The following ANKFY1 variants were observed in gnomAD, a reference collection of about 807,000 sequenced individuals.
ANKFY1 encodes the protein ankyrin repeat and FYVE domain containing 1, also known as ankyrin repeat and FYVE domain-containing protein 1.
Under a neutral mutation model 128.3 loss-of-function variants are expected in ANKFY1, and 47 were observed. That is an observed-to-expected ratio of 0.37 (90% CI 0.29 to 0.47). The LOEUF is 0.47. ANKFY1 is among the 20% of genes least tolerant of loss of function. The pLI is 1.00. For synonymous variants in ANKFY1, 553 were observed against 601.6 expected (o/e 0.92, Z 1.18); for missense variants, 1,222 against 1,510.6 (o/e 0.81, Z 3.17).
chr17:4,184,477 G>A (rs1441722874), intron 12 of ANKFY1, among the ~76,000 whole-genome samples: 1 of 152,198 alleles, frequency 6.6e-6, no homozygotes, highest in African/African-American at 2.4e-5. Context: ...CTCTCATGGG[G>A]TGCCTGCCAC....
chr17:4,211,638 CAGG>C (rs1194328864), intron 4 of ANKFY1, among the ~76,000 whole-genome samples: 1 of 152,080 alleles, frequency 6.6e-6, no homozygotes. Context: ...GAGGCCAAGG[CAGG>C]AGGAGTACTT....
intron 2 of ANKFY1, 121 bp from the exon 3 acceptor site, chr17:4,236,011 C>T: frequency 1.5e-6 from 1 of 685,234 alleles, no homozygotes. Flanking sequence ...GAAAAAATTA[C>T]AGCGAAGAAT....
At position 4,197,411 on chromosome 17, in the gene ANKFY1, C is replaced by A; in HGVS notation, c.1065G>T (p.Gln355His). 1 of 1,614,230 alleles carries A rather than the reference C, an allele frequency of 6.2e-7. No homozygotes were observed. The highest frequency in any genetic ancestry group is 1.1e-5 in the South Asian group (1 of 91,088). ...EMAQIAEALL[Q>H]AGANPNMQDS... The stretch of plus-strand genomic sequence containing the variant: ...CCTGCATGTTGGGGTTGGCACCAGC[C>A]TGCAGAAGGGCCTCTGCAATCTGCG... Residue 355 changes from glutamine to histidine, a missense_variant, in exon 8 of 25, where the codon CAG (glutamine) becomes CAT (histidine). Transcript: ENST00000341657.
intron 17 of ANKFY1, chr17:4,179,306 C>T: frequency 1.8e-6 from 1 of 569,330 alleles, no homozygotes; most frequent in Non-Finnish European, 3.1e-6. Flanking sequence ...TGCAGTGAGT[C>T]TCCGCTCTAA....
At position 4,202,981 on chromosome 17, in the gene ANKFY1, C is replaced by CATATATATATAT. The variant is rs56774221; in HGVS notation, c.898+3328_898+3339dup. Reference sequence around the variant, plus strand: ...AGTTCTTTTTACTTATAATCATACACATATATATATATATATATATTCACC... The same window carrying CATATATATATAT: ...AGTTCTTTTTACTTATAATCATACACATATATATATATATATATATATATATATATATTCACC... On this transcript the variant is annotated intron_variant, in intron 7 of 24. Transcript: ENST00000341657. Among the ~76,000 whole-genome samples the CATATATATATAT allele has an allele frequency of 1.3e-3, 186 of 146,294 alleles. 2 individuals carry two copies. The highest frequency in any genetic ancestry group is 4.5e-3 in the African/African-American group (180 of 40,060).
intron 6 of ANKFY1, among the ~76,000 whole-genome samples, chr17:4,206,711 C>T (rs1481166617): frequency 2.0e-5 from 3 of 152,172 alleles, no homozygotes; most frequent in Admixed American, 6.5e-5. Flanking sequence ...ACATAGCCAA[C>T]ATAAACAATG....
intron 18 of ANKFY1, 31 bp from the exon 19 acceptor site, chr17:4,177,333 G>C (rs773344199): frequency 3.9e-6 from 6 of 1,537,132 alleles, no homozygotes; most frequent in Non-Finnish European, 5.3e-6. Flanking sequence ...CAAAATATTA[G>C]TTCCCTTTTC....
chr17:4,222,974 G>A (rs755646868), intron 3 of ANKFY1: 127 of 1,155,762 alleles, frequency 1.1e-4, no homozygotes, highest in Non-Finnish European at 1.5e-4. Flanking sequence ...CTCTTTTGGA[G>A]GCCAAAGCCA....
intron 4 of ANKFY1, among the ~76,000 whole-genome samples, chr17:4,210,615 G>A (rs1225563658): frequency 1.4e-5 from 2 of 144,994 alleles, no homozygotes; most frequent in Non-Finnish European, 3.0e-5. Context: ...GGCTGAGGCA[G>A]GAGAATCGCT....
chr17:4,257,624 C>G (rs1437542708), intron 1 of ANKFY1, among the ~76,000 whole-genome samples: 1 of 152,184 alleles, frequency 6.6e-6, no homozygotes, highest in Non-Finnish European at 1.5e-5. Flanking sequence ...CCCATTACTT[C>G]CTTAAAAAAT....
At chr17:4,209,381 A>G (rs2060085902) in intron 5 of ANKFY1, among the ~76,000 whole-genome samples, 1 of 151,730 alleles carries the variant, frequency 6.6e-6, no homozygotes, top group East Asian at 2.0e-4. Context: ...GTTCACCGCA[A>G]CCTCCGCCTC....
At chr17:4,210,995 G>A (rs1052709722) in intron 4 of ANKFY1, among the ~76,000 whole-genome samples, 3 of 151,962 alleles carry the variant, frequency 2.0e-5, no homozygotes, top group Non-Finnish European at 4.4e-5. Flanking sequence ...TTACGCCACT[G>A]CACTCCAGCC....
chr17:4,251,996 T>C (rs899092533), intron 1 of ANKFY1, among the ~76,000 whole-genome samples: 63 of 145,038 alleles, frequency 4.3e-4, no homozygotes, highest in African/African-American at 1.6e-3. Flanking sequence ...ATCATACCAC[T>C]GCACTCAACC....
At chr17:4,258,134 T>A (rs1202545843) in intron 1 of ANKFY1, among the ~76,000 whole-genome samples, 1 of 152,138 alleles carries the variant, frequency 6.6e-6, no homozygotes, top group African/African-American at 2.4e-5. Flanking sequence ...AAGAAAAGAA[T>A]GGTATAAAAG....
At position 4,195,119 on chromosome 17, in the gene ANKFY1, G is replaced by A. The variant is rs1380701999; in HGVS notation, c.1231C>T (p.His411Tyr). ...GSTALWLAVQHITVSSDQSVN... is the reference protein window; with the variant it reads ...GSTALWLAVQYITVSSDQSVN... ...GACTGGTCAGAAGACACTGTGATAT[G>A]CTGCACTGCCAGCCACAGAGCCGTG... Residue 411 changes from histidine to tyrosine, a missense_variant, in exon 10 of 25, where the codon CAT becomes TAT. His to Tyr is a moderately conservative substitution (Grantham distance 83). Transcript: ENST00000341657. 1.2e-6 allele frequency: 2 copies of A among 1,614,004 alleles called. No homozygotes were observed. Among genetic ancestry groups the A allele is most frequent in the Non-Finnish European group, 8.5e-7 (1 of 1,180,006 alleles).
Position 4,169,324 on chromosome 17 carries a change from C to T in ANKFY1, c.3287-36G>A, listed in dbSNP as rs377322787. On this transcript the variant is annotated intron_variant, in intron 23 of 24. Transcript: ENST00000341657. This position sits in a 1 kb window ranked among gnomAD's most constrained non-coding sequence, Gnocchi z 5.0. ...GGGGGGAGGCCCGGTCCCGTCAAAC[C>T]GCGACGGCGCCACGCAAGCCCCAGG... The T allele has an allele frequency of 8.0e-5, 119 of 1,490,682 alleles. No homozygotes were observed. In the African/African-American group the frequency reaches 9.5e-4, roughly 12 times the overall value. The allele number at this position is 1,490,682 out of a possible 1,614,324, so 92.3% of individuals were successfully genotyped here.
chr17:4,215,077 C>T (rs1280490788), intron 4 of ANKFY1, among the ~76,000 whole-genome samples: 1 of 151,930 alleles, frequency 6.6e-6, no homozygotes, highest in Non-Finnish European at 1.5e-5. Flanking sequence ...TCACCTGAGG[C>T]TAGGAGTTTG....
chr17:4,239,186 CAATG>C (rs1967072078), intron 2 of ANKFY1, among the ~76,000 whole-genome samples: 1 of 152,162 alleles, frequency 6.6e-6, no homozygotes, highest in African/African-American at 2.4e-5. Flanking sequence ...GACTTCAACA[CAATG>C]AATGCAAAAT....
chr17:4,188,250 G>T (rs377208406), intron 11 of ANKFY1: 1 of 152,458 alleles, frequency 6.6e-6, no homozygotes, highest in East Asian at 1.9e-4. Flanking sequence ...ACTCTGGCTG[G>T]AGAGTTGGCT....
Sources: allele counts gnomAD v4.1 joint callset (sites outside exome capture counted in the v4.1 genomes callset), GRCh38; gene constraint gnomAD v4.1.1; non-coding constraint Gnocchi (gnomAD v3.1); transcripts MANE v1.5; gene names NCBI Gene and HGNC (gene_info 2026-07-23, HGNC 2026-07-21).